GRIK2: variants seen among roughly 807,000 people sequenced by gnomAD.
GRIK2 encodes glutamate ionotropic receptor kainate type subunit 2.
GRIK2 carries 32 observed loss-of-function variants against 100.3 expected under a neutral mutation model. That is an observed-to-expected ratio of 0.32 (90% confidence interval 0.24 to 0.43). The LOEUF (loss-of-function observed/expected upper bound fraction) is 0.43. GRIK2 is among the 20% of genes least tolerant of loss of function. GRIK2 has a pLI of 1.00. For missense variants in GRIK2, 843 were observed against 1,114.9 expected, an observed-to-expected ratio of 0.76 and a Z score of 3.47; for synonymous variants, 417 against 389.4, an observed-to-expected ratio of 1.07 and a Z score of -0.83.
At chr6:101,799,840 A>G in intron 8 of GRIK2, 49 bp downstream of exon 8, 1 of 1,457,204 alleles carries the variant, frequency 6.9e-7, no homozygotes, top group Non-Finnish European at 9.6e-7. Context: ...TGTCAAGCTG[A>G]ATGAAGTGAG....
At chr6:101,921,794 A>G (rs1248989452) in intron 12 of GRIK2, among the ~76,000 whole-genome samples, 2 of 152,050 alleles carry the variant, frequency 1.3e-5, no homozygotes, top group South Asian at 2.1e-4. Flanking sequence ...AAATTGAGAA[A>G]GAGGAAAAGC....
At chr6:101,615,820 A>C (rs970347242) in intron 2 of GRIK2, among the ~76,000 whole-genome samples, 4 of 151,984 alleles carry the variant, frequency 2.6e-5, no homozygotes, top group Middle Eastern at 3.4e-3. Flanking sequence ...TTTGCCATTC[A>C]ATTTTATAAT....
chr6:101,620,943 A>G (rs1466192826), intron 2 of GRIK2, among the ~76,000 whole-genome samples: 1 of 152,162 alleles, frequency 6.6e-6, no homozygotes, highest in East Asian at 1.9e-4. Flanking sequence ...AGCTGGTGGA[A>G]GGTCACAAAT....
chr6:101,520,444 G>C (rs1582632132), intron 2 of GRIK2, among the ~76,000 whole-genome samples: 1 of 151,470 alleles, frequency 6.6e-6, no homozygotes, highest in African/African-American at 2.4e-5. Flanking sequence ...AGAGGACAGA[G>C]TAGCTATTAA....
intron 2 of GRIK2, among the ~76,000 whole-genome samples, chr6:101,422,878 G>A (rs1776481564): frequency 6.6e-6 from 1 of 152,082 alleles, no homozygotes; most frequent in African/African-American, 2.4e-5. Context: ...AACTCTGTGT[G>A]GAGTTCTGTA....
In GRIK2 at chr6:102,069,284, C is replaced by T. The variant is rs1250125838; in HGVS notation, c.*773C>T. ...ATTCCCCCAACACCTTTTCTCTAAC[C>T]CCCATATCCCAAATAATAATAATAA... On this transcript the variant is annotated 3_prime_UTR_variant, in exon 17 of 17. Transcript: ENST00000369134. 7.1e-6 allele frequency: 1 copy of T among 140,120 alleles called. No homozygotes were observed. Among genetic ancestry groups the T allele is most frequent in the African/African-American group, 2.7e-5 (1 of 36,404 alleles). 8.7% of individuals were successfully genotyped at this position (140,120 alleles called of 1,614,324 possible).
intron 4 of GRIK2, among the ~76,000 whole-genome samples, chr6:101,675,453 A>G (rs1172984329): frequency 6.6e-6 from 1 of 152,208 alleles, no homozygotes; most frequent in Non-Finnish European, 1.5e-5. Context: ...AGATACTAGT[A>G]TAGAGATGAG....
intron 4 of GRIK2, among the ~76,000 whole-genome samples, chr6:101,652,955 C>T (rs1332451699): frequency 1.3e-5 from 2 of 152,120 alleles, no homozygotes; most frequent in South Asian, 2.1e-4. Flanking sequence ...CTACATATCA[C>T]GTAGCCAAGA....
chr6:102,041,301 G>T (rs1770558813), intron 15 of GRIK2, among the ~76,000 whole-genome samples: 1 of 151,610 alleles, frequency 6.6e-6, no homozygotes, highest in Non-Finnish European at 1.5e-5. Flanking sequence ...TATACACAAA[G>T]ATTGGATCAT....
At chr6:101,809,497 T>C (rs2128417837) in intron 9 of GRIK2, among the ~76,000 whole-genome samples, 1 of 152,098 alleles carries the variant, frequency 6.6e-6, no homozygotes, top group African/African-American at 2.4e-5. Context: ...CTCAGATAGG[T>C]GAAATTTACA....
At chr6:101,439,464 T>A (rs937080972) in intron 2 of GRIK2, among the ~76,000 whole-genome samples, 8 of 152,256 alleles carry the variant, frequency 5.3e-5, no homozygotes, top group African/African-American at 1.7e-4. Flanking sequence ...ATGAGAAAAT[T>A]ATCTATCCCC....
Position 101,399,362 on chromosome 6 carries a change from T to G in GRIK2, c.85T>G (p.Ser29Ala). 6.4e-7 allele frequency: 1 copy of G among 1,572,034 alleles called. No individual in the cohort carries two copies. Among genetic ancestry groups the G allele is most frequent in the East Asian group, 2.2e-5 (1 of 44,682 alleles). ...GCTCTGTTTACTGTGGATTGGATAT[T>G]CTCAAGGAACCACACATGTATTAAG... is the stretch of plus-strand genomic sequence containing the variant. ...LLLCLLWIGY[S>A]QGTTHVLRFG... Residue 29 changes from serine to alanine, a missense_variant, in exon 2 of 17, where the codon TCT (serine) becomes GCT (alanine). Transcript: ENST00000369134.
chr6:101,572,834 A>ATTTG (rs1479637201), intron 2 of GRIK2, among the ~76,000 whole-genome samples: 2 of 82,942 alleles, frequency 2.4e-5, no homozygotes, highest in Non-Finnish European at 5.2e-5. Flanking sequence ...TTATTTATTT[A>ATTTG]TTTATTTATT....
intron 2 of GRIK2, among the ~76,000 whole-genome samples, chr6:101,565,056 T>G (rs1379168379): frequency 6.6e-6 from 1 of 152,080 alleles, no homozygotes; most frequent in African/African-American, 2.4e-5. Context: ...AGGAATATAT[T>G]TAACATAATG....
intron 2 of GRIK2, among the ~76,000 whole-genome samples, chr6:101,592,999 C>G (rs1582788360): frequency 6.6e-6 from 1 of 151,904 alleles, no homozygotes; most frequent in East Asian, 1.9e-4. Context: ...GCAATTGTTG[C>G]TGCAGGAGTT....
At chr6:101,700,209 T>G (rs1562319635) in intron 7 of GRIK2, among the ~76,000 whole-genome samples, 1 of 151,806 alleles carries the variant, frequency 6.6e-6, no homozygotes, top group Non-Finnish European at 1.5e-5. Context: ...TTCTATCTTT[T>G]CACATAGAAC....
chr6:101,623,903 CATAAT>C (rs1385400677), intron 3 of GRIK2, among the ~76,000 whole-genome samples: 1 of 151,880 alleles, frequency 6.6e-6, no homozygotes, highest in Non-Finnish European at 1.5e-5. Flanking sequence ...TACATAAAAA[CATAAT>C]ATAACAGAGC....
At chr6:101,726,923 A>G (rs1206382510) in intron 7 of GRIK2, among the ~76,000 whole-genome samples, 1 of 150,072 alleles carries the variant, frequency 6.7e-6, no homozygotes, top group Non-Finnish European at 1.5e-5. Flanking sequence ...TGAAGTTATT[A>G]TGCTGTTGGC....
At position 101,900,906 on chromosome 6, in the gene GRIK2, G is replaced by GT. The variant is rs532866711; in HGVS notation, c.1748+11054dup. ...CATCATTTACTTACTGAGTGTCCTTGTTTTTTTTTTTCTTAAAAAAAGCAT... is the reference window on the plus strand; with the variant it reads ...CATCATTTACTTACTGAGTGTCCTTGTTTTTTTTTTTTCTTAAAAAAAGCAT... On this transcript the variant is annotated intron_variant, in intron 12 of 16. Coordinates refer to ENST00000369134, the MANE Select transcript of GRIK2 (RefSeq NM_021956.5). Among the ~76,000 whole-genome samples, 148 of 143,544 alleles carry GT rather than the reference G, an allele frequency of 1.0e-3. 1 individual carries two copies. The highest frequency in any genetic ancestry group is 3.9e-3 in the East Asian group (19 of 4,914). 94.2% of individuals were successfully genotyped at this position (143,544 alleles called of 152,430 possible). A position where few individuals can be genotyped will look rare whatever the true frequency, so the allele number is the denominator to read the frequency against.
Sources: gnomAD v4.1 joint callset for allele counts (sites outside exome capture counted in the v4.1 genomes callset) on GRCh38, gnomAD v4.1.1 for gene constraint, MANE v1.5 for transcripts, NCBI Gene and HGNC (gene_info 2026-07-23, HGNC 2026-07-21) for gene names.